The following SCO1 variants were observed in gnomAD, a reference collection of about 807,000 sequenced individuals.
SCO1 encodes cytochrome c oxidase assembly factor SCO1.
SCO1 carries 23 observed loss-of-function variants against 34.0 expected under a neutral mutation model. The observed-to-expected ratio is 0.68, with a 90% CI of 0.49 to 0.96. The LOEUF (loss-of-function observed/expected upper bound fraction) is 0.96. Ranked by LOEUF, SCO1 falls within the 40% of genes least tolerant of loss-of-function variation. The pLI is 0.00. For missense variants in SCO1, 404 were observed against 381.6 expected (o/e 1.06, Z -0.49); for synonymous variants, 161 against 145.5 (o/e 1.11, Z -0.77).
intron 2 of SCO1, among the ~76,000 whole-genome samples, chr17:10,693,935 T>C (rs1009208695): frequency 1.3e-5 from 2 of 152,196 alleles, no homozygotes; most frequent in Non-Finnish European, 2.9e-5. Flanking sequence ...AATGAATACA[T>C]TGATAGTGGG....
intron 1 of SCO1, 57 bp downstream of exon 1, chr17:10,697,178 C>G: frequency 1.4e-6 from 2 of 1,450,224 alleles, no homozygotes; most frequent in Middle Eastern, 5.1e-4. Flanking sequence ...GGGATGTGGC[C>G]GCTGGGCTGG....
chr17:10,692,939 T>G lies in SCO1; in HGVS notation c.387A>C (p.Arg129=). ...CCCCAAGTAAAGGCTTGCCGATGTG[T>G]CGCTGCCGTTCCTTCTCTAACTCTT... is the stretch of plus-strand genomic sequence containing the variant. ...KAEKLEKERQ[R]HIGKPLLGGP... The change falls in exon 3 of 6, where the codon CGA becomes CGC. Residue 129 remains arginine, a synonymous_variant. Transcript: ENST00000255390. 6.2e-7 allele frequency: 1 copy of G among 1,614,114 alleles called. No individual in the cohort carries two copies.
At position 10,680,412 on chromosome 17, in the gene SCO1, C is replaced by G. The variant is rs1390993519; in HGVS notation, c.*707G>C. 6.4e-6 allele frequency: 1 copy of G among 155,802 alleles called. No individual in the cohort carries two copies. The allele number at this position is 155,802 out of a possible 1,614,324, so 9.7% of individuals were successfully genotyped here. A position where few individuals can be genotyped will look rare whatever the true frequency, so the allele number is the denominator to read the frequency against. ...ATGCAGAAAGGTACTCAGCATCACA[C>G]TCGTGATCAATATCCTCTTATTTCC... On this transcript the variant is annotated 3_prime_UTR_variant, in exon 6 of 6. Transcript: ENST00000255390.
At chr17:10,696,500 C>G (rs1199843283) in intron 1 of SCO1, among the ~76,000 whole-genome samples, 2 of 152,172 alleles carry the variant, frequency 1.3e-5, no homozygotes, top group African/African-American at 2.4e-5. Context: ...TCTGCTTATG[C>G]TGATACTGAG....
At position 10,697,317 on chromosome 17, in the gene SCO1, G is replaced by A; in HGVS notation, c.191C>T (p.Thr64Ile). The A allele has an allele frequency of 6.4e-7, 1 of 1,569,064 alleles. No individual in the cohort carries two copies. The highest frequency in any genetic ancestry group is 8.6e-7 in the Non-Finnish European group (1 of 1,157,804). ...ASGRPGYCLG[T>I]RPLSTARPPP... Reference sequence around the variant, plus strand: ...CGGCCTCGCAGTGCTGAGGGGCCGGGTTCCCAGGCAATAGCCAGGGCGCCC... The same window carrying A: ...CGGCCTCGCAGTGCTGAGGGGCCGGATTCCCAGGCAATAGCCAGGGCGCCC... The change falls in exon 1 of 6, where the codon ACC becomes ATC. Residue 64 changes from threonine (T) to isoleucine (I), a missense_variant. By Grantham distance (89) the Thr-to-Ile change is moderately conservative. Transcript: ENST00000255390.
intron 4 of SCO1, among the ~76,000 whole-genome samples, chr17:10,687,356 C>A (rs1032264715): frequency 6.6e-6 from 1 of 152,138 alleles, no homozygotes; most frequent in Non-Finnish European, 1.5e-5. Context: ...CTAGTCATCC[C>A]CAAAACGCAA....
intron 4 of SCO1, among the ~76,000 whole-genome samples, chr17:10,690,229 A>G (rs545345998): frequency 6.6e-6 from 1 of 152,330 alleles, no homozygotes; most frequent in African/African-American, 2.4e-5. Context: ...TCTGCACAGC[A>G]CAGGAAACAA....
At chr17:10,686,049 C>T (rs2074653308) in intron 5 of SCO1, among the ~76,000 whole-genome samples, 1 of 152,064 alleles carries the variant, frequency 6.6e-6, no homozygotes, top group Non-Finnish European at 1.5e-5. Context: ...CTGGCCTCGC[C>T]TGGCCAACAT....
In SCO1 at chr17:10,681,226, T is replaced by G; in HGVS notation, c.799A>C (p.Ile267Leu). 2 of 1,614,102 alleles carry G rather than the reference T, an allele frequency of 1.2e-6. No homozygotes were observed. The highest frequency in any genetic ancestry group is 1.7e-6 in the Non-Finnish European group (2 of 1,180,014). The change falls in exon 6 of 6, where the codon ATT becomes CTT. Residue 267 changes from isoleucine (I) to leucine (L), a missense_variant. Physicochemically the swap from Ile to Leu is conservative, Grantham distance 5. Transcript: ENST00000255390. ...TCTAGAAACTCACCATCTGGTCCAATCAAGTACATTATTATTGTGTGATCC... is the reference window on the plus strand; with the variant it reads ...TCTAGAAACTCACCATCTGGTCCAAGCAAGTACATTATTATTGTGTGATCC... ...IVDHTIIMYL[I>L]GPDGEFLDYF...
chr17:10,674,518 G>T lies in SCO1; in HGVS notation c.*6601C>A. On this transcript the variant is annotated 3_prime_UTR_variant, in exon 6 of 6. Coordinates refer to ENST00000255390, the MANE Select transcript of SCO1 (RefSeq NM_004589.4). ...AGCTGCATTTCTGCTAAGTACCCCA[G>T]TGGTGTGACACTGCCGGACCACAGA... 4.3e-6 allele frequency: 1 copy of T among 233,922 alleles called. No individual in the cohort carries two copies. Among genetic ancestry groups the T allele is most frequent in the Non-Finnish European group, 8.6e-6 (1 of 116,922 alleles). 14.5% of individuals were successfully genotyped at this position (233,922 alleles called of 1,614,324 possible). A position where few individuals can be genotyped will look rare whatever the true frequency, so the allele number is the denominator to read the frequency against.
At chr17:10,695,973 G>A (rs1328324650) in intron 1 of SCO1, 142 bp from the exon 2 acceptor site, 1 of 600,890 alleles carries the variant, frequency 1.7e-6, no homozygotes, top group African/African-American at 1.9e-5. Context: ...ATGAGAAAAT[G>A]CTCAAAGTTT....
At chr17:10,692,220 C>G (rs2074694703) in intron 3 of SCO1, among the ~76,000 whole-genome samples, 1 of 152,172 alleles carries the variant, frequency 6.6e-6, no homozygotes, top group South Asian at 2.1e-4. Context: ...CAAATGCCTG[C>G]ACCAGCACAT....
At chr17:10,683,706 TCTAA>T (rs1225555507) in intron 5 of SCO1, among the ~76,000 whole-genome samples, 1 of 150,668 alleles carries the variant, frequency 6.6e-6, no homozygotes, top group Non-Finnish European at 1.5e-5. Flanking sequence ...AAAAGTATTT[TCTAA>T]CTAATATCTA....
At chr17:10,697,144 T>C in intron 1 of SCO1, 91 bp downstream of exon 1, 1 of 1,209,558 alleles carries the variant, frequency 8.3e-7, no homozygotes. Flanking sequence ...GGAGGCGGAG[T>C]AGTGTCTGAG....
intron 4 of SCO1, among the ~76,000 whole-genome samples, chr17:10,689,181 G>A (rs2074676080): frequency 6.6e-6 from 1 of 151,160 alleles, no homozygotes; most frequent in Non-Finnish European, 1.5e-5. Context: ...AAAAGGGAGG[G>A]ACTAACAAAG....
At chr17:10,696,685 C>G (rs369237175) in intron 1 of SCO1, among the ~76,000 whole-genome samples, 5 of 152,014 alleles carry the variant, frequency 3.3e-5, no homozygotes, top group Admixed American at 1.3e-4. Flanking sequence ...TAGACTAGGC[C>G]TAACTCATTA....
chr17:10,695,637 T>C, intron 2 of SCO1, 104 bp downstream of exon 2: 2 of 834,378 alleles, frequency 2.4e-6, no homozygotes, highest in Non-Finnish European at 4.0e-6. Flanking sequence ...TTTTGGTAAA[T>C]CTAAAGTTGT....
chr17:10,694,335 T>C (rs993768683), intron 2 of SCO1, among the ~76,000 whole-genome samples: 1 of 152,222 alleles, frequency 6.6e-6, no homozygotes, highest in African/African-American at 2.4e-5. Flanking sequence ...CAAGGTGGTA[T>C]GGTTCTGAAA....
At position 10,686,790 on chromosome 17, in the gene SCO1, T is replaced by C. The variant is rs917750587; in HGVS notation, c.708A>G (p.Gln236=). ...GLTGTREEVD[Q]VARAYRVYYS... The stretch of plus-strand genomic sequence containing the variant: ...AATACACTCTGTATGCTCTGGCCAC[T>C]TGATCGACCTCTTCTCTCGTGCCAG... The change falls in exon 5 of 6, where the codon CAA becomes CAG. Residue 236 remains glutamine, a synonymous_variant. Transcript: ENST00000255390. 1.2e-6 allele frequency: 2 copies of C among 1,614,132 alleles called. No homozygotes were observed. Among genetic ancestry groups the C allele is most frequent in the East Asian group, 2.2e-5 (1 of 44,876 alleles).
Sources: gnomAD v4.1 joint callset for allele counts (sites outside exome capture counted in the v4.1 genomes callset) on GRCh38, gnomAD v4.1.1 for gene constraint, MANE v1.5 for transcripts, NCBI Gene and HGNC (gene_info 2026-07-23, HGNC 2026-07-21) for gene names.